Variants in ADAMDEC1 observed in about 807,000 individuals in gnomAD.
ADAMDEC1 encodes ADAM DEC1.
ADAMDEC1 carries 62 observed loss-of-function variants against 60.4 expected under a neutral mutation model. The ratio of observed to expected loss-of-function variants is 1.03; its 90% CI spans 0.84 to 1.27. ADAMDEC1 has a LOEUF of 1.27. Ranked by LOEUF, ADAMDEC1 falls within the 50% of genes most tolerant of loss-of-function variation. The pLI is 0.00. For synonymous variants in ADAMDEC1, 210 were observed against 195.1 expected (o/e 1.08, Z -0.64); for missense variants, 595 against 565.0 (o/e 1.05, Z -0.54).
intron 10 of ADAMDEC1, 54 bp downstream of exon 10, chr8:24,399,528 A>G: frequency 1.5e-6 from 2 of 1,358,170 alleles, no homozygotes; most frequent in South Asian, 1.2e-5. Context: ...TATGAAGGCC[A>G]GCATAACACC....
chr8:24,392,479 T>C, intron 2 of ADAMDEC1, 99 bp downstream of exon 2: 2 of 844,224 alleles, frequency 2.4e-6, no homozygotes, highest in Non-Finnish European at 3.7e-6. Flanking sequence ...TACTATGTAA[T>C]AGTTTCATAT....
intron 12 of ADAMDEC1, among the ~76,000 whole-genome samples, chr8:24,402,377 AGAC>A: frequency 6.6e-6 from 1 of 152,278 alleles, no homozygotes; most frequent in East Asian, 1.9e-4. Context: ...AGAAATCCCT[AGAC>A]GACATAATGT....
At chr8:24,384,965 T>C (rs1336871018) in intron 1 of ADAMDEC1, among the ~76,000 whole-genome samples, 3 of 152,212 alleles carry the variant, frequency 2.0e-5, no homozygotes, top group Non-Finnish European at 4.4e-5. Flanking sequence ...AACATCTTCA[T>C]GAATCATGGC....
chr8:24,402,129 T>C (rs768410658), intron 12 of ADAMDEC1, 37 bp downstream of exon 12: 6 of 1,501,538 alleles, frequency 4.0e-6, no homozygotes, highest in Admixed American at 4.7e-5. Context: ...AGAAGAATTA[T>C]GCAGTTTTCT....
chr8:24,400,451 C>A, intron 11 of ADAMDEC1, 151 bp downstream of exon 11: 2 of 880,420 alleles, frequency 2.3e-6, no homozygotes, highest in South Asian at 2.5e-5. Context: ...ACATACTAAT[C>A]AACAGGATAG....
intron 1 of ADAMDEC1, among the ~76,000 whole-genome samples, chr8:24,389,474 T>C (rs1817382115): frequency 6.6e-6 from 1 of 152,172 alleles, no homozygotes; most frequent in South Asian, 2.1e-4. Context: ...CTTACATTAC[T>C]GCAATATCCT....
intron 1 of ADAMDEC1, among the ~76,000 whole-genome samples, chr8:24,385,012 G>A (rs1817257888): frequency 6.6e-6 from 1 of 152,124 alleles, no homozygotes; most frequent in African/African-American, 2.4e-5. Context: ...ATTTCCTTGA[G>A]AAAAATTCTT....
In ADAMDEC1 at chr8:24,397,699, G is replaced by A. The variant is rs1293759641; in HGVS notation, c.644G>A (p.Arg215Gln). 6 of 1,612,904 alleles carry A rather than the reference G, an allele frequency of 3.7e-6. No individual in the cohort carries two copies. The highest frequency in any genetic ancestry group is 1.1e-5 in the South Asian group (1 of 90,922). ...TTTGTAAAGAAAGAAGACTTTCTTC[G>A]GGCACAGAAATACATTGATCTCTAT... ...LKSPEKEDFL[R>Q]AQKYIDLYLV... The change falls in exon 7 of 14, where the codon CGG (arginine) becomes CAG (glutamine). Residue 215 changes from arginine (R) to glutamine (Q), a missense_variant. Transcript: ENST00000256412.
At chr8:24,394,201 G>C (rs1363612236) in intron 4 of ADAMDEC1, 54 bp downstream of exon 4, 1 of 1,398,264 alleles carries the variant, frequency 7.2e-7, no homozygotes, top group Non-Finnish European at 1.0e-6. Context: ...TTATTAGTTT[G>C]TGCTAATGTT....
intron 1 of ADAMDEC1, among the ~76,000 whole-genome samples, chr8:24,388,738 T>C (rs553117622): frequency 6.6e-6 from 1 of 152,324 alleles, no homozygotes; most frequent in Admixed American, 6.5e-5. Context: ...CACTAAAATG[T>C]ACACTTTATT....
In ADAMDEC1 at chr8:24,398,465, T is replaced by G; in HGVS notation, c.691-15T>G. On this transcript the variant is annotated splice_polypyrimidine_tract_variant and intron_variant, in intron 7 of 13. Coordinates refer to ENST00000256412, the MANE Select transcript of ADAMDEC1 (RefSeq NM_014479.3). ...ATCTGCTATTTCACTATACTTTGTG[T>G]TTTGTATTTTACAGTATAAGAACTA... 1 of 1,486,026 alleles carries G rather than the reference T, an allele frequency of 6.7e-7. No individual in the cohort carries two copies. Among genetic ancestry groups the G allele is most frequent in the Non-Finnish European group, 9.3e-7 (1 of 1,075,670 alleles). 92.1% of individuals were successfully genotyped at this position (1,486,026 alleles called of 1,614,324 possible).
intron 3 of ADAMDEC1, among the ~76,000 whole-genome samples, chr8:24,393,667 C>G (rs1380049443): frequency 2.0e-5 from 3 of 152,070 alleles, no homozygotes; most frequent in Admixed American, 6.6e-5. Context: ...AATGCATGGC[C>G]TAGAGATAGA....
chr8:24,404,669 A>T (rs899963393), intron 13 of ADAMDEC1, among the ~76,000 whole-genome samples: 2 of 152,206 alleles, frequency 1.3e-5, no homozygotes, highest in Admixed American at 6.6e-5. Context: ...TAAAATGGCA[A>T]CAAGAAAAAT....
intron 7 of ADAMDEC1, among the ~76,000 whole-genome samples, chr8:24,398,079 C>T (rs1391876474): frequency 6.7e-6 from 1 of 149,996 alleles, no homozygotes; most frequent in Non-Finnish European, 1.5e-5. Context: ...AATATTATAT[C>T]AATATAAAAT....
chr8:24,394,166 G>T lies in ADAMDEC1; in HGVS notation c.363+19G>T, dbSNP rs756063902. The T allele has an allele frequency of 9.5e-6, 15 of 1,579,346 alleles. No individual in the cohort carries two copies. In the African/African-American group the frequency reaches 1.9e-4, roughly 20 times the overall value. On this transcript the variant is annotated intron_variant, in intron 4 of 13. Coordinates refer to ENST00000256412, the MANE Select transcript of ADAMDEC1 (RefSeq NM_014479.3). ...GAACATGGTAGGGTCCGAATACTTT[G>T]TGGGTCTCTTTTGAGTTTTAGATGT...
intron 3 of ADAMDEC1, 52 bp from the exon 4 acceptor site, chr8:24,394,017 T>A: frequency 7.9e-7 from 1 of 1,258,458 alleles, no homozygotes; most frequent in Non-Finnish European, 1.2e-6. Context: ...TTCAGGAAGT[T>A]CTGCCTTTCT....
intron 11 of ADAMDEC1, 48 bp from the exon 12 acceptor site, chr8:24,401,867 A>T (rs1446155210): frequency 7.2e-7 from 1 of 1,384,102 alleles, no homozygotes; most frequent in Non-Finnish European, 9.9e-7. Flanking sequence ...TTCACGCAGA[A>T]GGCACCACAC....
At chr8:24,389,731 C>T (rs756308536) in intron 1 of ADAMDEC1, among the ~76,000 whole-genome samples, 1 of 152,088 alleles carries the variant, frequency 6.6e-6, no homozygotes, top group South Asian at 2.1e-4. Context: ...CAGCTAGATC[C>T]CTGTGGTTTC....
intron 1 of ADAMDEC1, among the ~76,000 whole-genome samples, chr8:24,389,886 T>A (rs1817393677): frequency 6.6e-6 from 1 of 152,198 alleles, no homozygotes; most frequent in African/African-American, 2.4e-5. Context: ...CATCTTGATG[T>A]GACTATCATT....
Sources: allele counts gnomAD v4.1 joint callset (sites outside exome capture counted in the v4.1 genomes callset), GRCh38; gene constraint gnomAD v4.1.1; transcripts MANE v1.5; gene names NCBI Gene and HGNC (gene_info 2026-07-23, HGNC 2026-07-21).